ARPC5: variants seen among roughly 807,000 people sequenced by gnomAD.
ARPC5 encodes the protein actin related protein 2/3 complex subunit 5.
A neutral mutation model predicts 15.4 loss-of-function variants in ARPC5; 5 were observed. The ratio of observed to expected loss-of-function variants is 0.32; its 90% CI spans 0.17 to 0.68. The LOEUF (loss-of-function observed/expected upper bound fraction) is 0.68. ARPC5 is among the 30% of genes least tolerant of loss of function. ARPC5 has a pLI of 0.71. For missense variants in ARPC5, 138 were observed against 192.8 expected, an observed-to-expected ratio of 0.72 and a Z score of 1.68; for synonymous variants, 85 against 72.2, an observed-to-expected ratio of 1.18 and a Z score of -0.90.
intron 1 of ARPC5, among the ~76,000 whole-genome samples, chr1:183,635,228 G>GAGGC (rs1332913126): frequency 1.3e-5 from 2 of 152,352 alleles, no homozygotes; most frequent in East Asian, 1.9e-4. Context: ...ACCAGTTCCC[G>GAGGC]AGGCAGGCAG....
chr1:183,627,380 T>TA lies in ARPC5; in HGVS notation c.*151dup. The stretch of plus-strand genomic sequence containing the variant: ...CCAATTTTCATTAAAGGACAACTGA[T>TA]ATGTAATTTTTTTCTTTACAGATAT... On this transcript the variant is annotated 3_prime_UTR_variant, in exon 4 of 4. Coordinates refer to ENST00000359856, the MANE Select transcript of ARPC5 (RefSeq NM_005717.4). 1 of 693,770 alleles carries TA rather than the reference T, an allele frequency of 1.4e-6. No homozygotes were observed. The highest frequency in any genetic ancestry group is 2.6e-6 in the Non-Finnish European group (1 of 380,696). The allele number at this position is 693,770 out of a possible 1,614,324, so 43.0% of individuals were successfully genotyped here.
rs891501269 is a variant in ARPC5 at position 183,623,245 on chromosome 1, G to C, written c.*4287C>G. On this transcript the variant is annotated 3_prime_UTR_variant, in exon 4 of 4. Transcript: ENST00000359856. ...GTGGATTCTAGGGAACTGTTTCAGA[G>C]AGAAATAAGAGATGTAAACATAGAT... is the stretch of plus-strand genomic sequence containing the variant. 1 of 640,136 alleles carries C rather than the reference G, an allele frequency of 1.6e-6. No homozygotes were observed. Among genetic ancestry groups the C allele is most frequent in the Non-Finnish European group, 2.7e-6 (1 of 371,442 alleles). 39.7% of individuals were successfully genotyped at this position (640,136 alleles called of 1,614,324 possible).
intron 3 of ARPC5, 141 bp downstream of exon 3, chr1:183,630,320 T>A: frequency 1.6e-6 from 1 of 633,102 alleles, no homozygotes; most frequent in Non-Finnish European, 2.5e-6. Flanking sequence ...AACATAAATA[T>A]GAACTATCCT....
intron 2 of ARPC5, 40 bp downstream of exon 2, chr1:183,633,037 AATAAG>A: frequency 7.1e-7 from 1 of 1,407,288 alleles, no homozygotes; most frequent in Non-Finnish European, 9.8e-7. Context: ...TTTTACTAAG[AATAAG>A]ATATCAGCAG....
rs1648949765 is a variant in ARPC5, at chr1:183,621,894, C to G, written c.*5638G>C. On this transcript the variant is annotated 3_prime_UTR_variant, in exon 4 of 4. Transcript: ENST00000359856. ...ATGACCGGTATCTTGTGTTGACCTCCTATCTCATCCTGTGACTTAGAATGC... is the reference window on the plus strand; with the variant it reads ...ATGACCGGTATCTTGTGTTGACCTCGTATCTCATCCTGTGACTTAGAATGC... The G allele has an allele frequency of 6.6e-6, 1 of 152,196 alleles. No homozygotes were observed. Among genetic ancestry groups the G allele is most frequent in the South Asian group, 2.1e-4 (1 of 4,836 alleles). 9.4% of individuals were successfully genotyped at this position (152,196 alleles called of 1,614,324 possible). A position where few individuals can be genotyped will look rare whatever the true frequency, so the allele number is the denominator to read the frequency against.
At position 183,627,308 on chromosome 1, in the gene ARPC5, G is replaced by A; in HGVS notation, c.*224C>T. The A allele has an allele frequency of 1.8e-6, 1 of 568,522 alleles. No homozygotes were observed. The allele number at this position is 568,522 out of a possible 1,614,324, so 35.2% of individuals were successfully genotyped here. A position where few individuals can be genotyped will look rare whatever the true frequency, so the allele number is the denominator to read the frequency against. On this transcript the variant is annotated 3_prime_UTR_variant, in exon 4 of 4. Transcript: ENST00000359856. ...GTATAAACATCACTGAAATGGTTTT[G>A]AAAGGATGAAACACTTCTATTTTAA...
Position 183,623,341 on chromosome 1 carries a change from A to G in ARPC5, c.*4191T>C. 1 of 1,281,566 alleles carries G rather than the reference A, an allele frequency of 7.8e-7. No individual in the cohort carries two copies. The highest frequency in any genetic ancestry group is 1.1e-6 in the Non-Finnish European group (1 of 903,566). 79.4% of individuals were successfully genotyped at this position (1,281,566 alleles called of 1,614,324 possible). A position where few individuals can be genotyped will look rare whatever the true frequency, so the allele number is the denominator to read the frequency against. The stretch of plus-strand genomic sequence containing the variant: ...AAGGAAAATAGAAATGTTAAAGTGA[A>G]TGCTGTGTCCCATGTTGCTTGTGGT... On this transcript the variant is annotated 3_prime_UTR_variant, in exon 4 of 4. Coordinates refer to ENST00000359856, the MANE Select transcript of ARPC5 (RefSeq NM_005717.4).
chr1:183,630,377 A>G, intron 3 of ARPC5, 84 bp downstream of exon 3: 1 of 1,117,074 alleles, frequency 9.0e-7, no homozygotes, highest in Non-Finnish European at 1.2e-6. Flanking sequence ...ACAAATCAAA[A>G]TGGTTATTTA....
In ARPC5 at chr1:183,624,863, A is replaced by C. The variant is rs1649049302; in HGVS notation, c.*2669T>G. On this transcript the variant is annotated 3_prime_UTR_variant, in exon 4 of 4. Transcript: ENST00000359856. ...AACTGGTGAACAAGATTCAGACCTT[A>C]TTCTTCTGTTATGTCCTCATGATCC... The C allele has an allele frequency of 6.6e-6, 1 of 152,170 alleles. No homozygotes were observed. The highest frequency in any genetic ancestry group is 6.5e-5 in the Admixed American group (1 of 15,284). 9.4% of individuals were successfully genotyped at this position (152,170 alleles called of 1,614,324 possible). A position where few individuals can be genotyped will look rare whatever the true frequency, so the allele number is the denominator to read the frequency against.
chr1:183,631,372 G>C (rs1649258944), intron 2 of ARPC5: 1 of 151,912 alleles, frequency 6.6e-6, no homozygotes, highest in South Asian at 2.1e-4. Flanking sequence ...CTGAGGTCAG[G>C]AGTTCGAGAC....
chr1:183,630,551 A>G lies in ARPC5; in HGVS notation c.303T>C (p.Asn101=), dbSNP rs1312084950. ...TATACTTCATTAGGAGATCCACACC[A>G]TTCTTGTCCAGAGATTGAACTGCCT... is the stretch of plus-strand genomic sequence containing the variant. ...IEKAVQSLDK[N]GVDLLMKYIY... is the part of the protein sequence containing the mutation. The change falls in exon 3 of 4, where the codon AAT becomes AAC. Residue 101 remains asparagine, a synonymous_variant. Coordinates refer to ENST00000359856, the MANE Select transcript of ARPC5 (RefSeq NM_005717.4). 1 of 1,614,060 alleles carries G rather than the reference A, an allele frequency of 6.2e-7. No individual in the cohort carries two copies. Among genetic ancestry groups the G allele is most frequent in the Admixed American group, 1.7e-5 (1 of 60,028 alleles).
rs1031313879 is a variant in ARPC5, at chr1:183,621,407, T to C, written c.*6125A>G. ...ATCAATAGGGAAATGGTTAAGTAAA[T>C]TATGGTACATTTATTTATATAATAG... is the stretch of plus-strand genomic sequence containing the variant. On this transcript the variant is annotated 3_prime_UTR_variant, in exon 4 of 4. Transcript: ENST00000359856. 1 of 152,184 alleles carries C rather than the reference T, an allele frequency of 6.6e-6. No homozygotes were observed. 9.4% of individuals were successfully genotyped at this position (152,184 alleles called of 1,614,324 possible). A position where few individuals can be genotyped will look rare whatever the true frequency, so the allele number is the denominator to read the frequency against.
intron 1 of ARPC5, among the ~76,000 whole-genome samples, chr1:183,634,614 A>G (rs1440649363): frequency 6.6e-6 from 1 of 152,258 alleles, no homozygotes; most frequent in Non-Finnish European, 1.5e-5. Context: ...AAATATGCAA[A>G]AACAGAAACC....
In ARPC5 at chr1:183,631,663, A is replaced by T. The variant is rs975209474; in HGVS notation, c.217-1026T>A. 3.9e-5 allele frequency: 6 copies of T among 152,076 alleles called. 1 individual carries two copies. Among genetic ancestry groups the T allele is most frequent in the African/African-American group, 9.6e-5 (4 of 41,486 alleles). 9.4% of individuals were successfully genotyped at this position (152,076 alleles called of 1,614,324 possible). On this transcript the variant is annotated intron_variant, in intron 2 of 3. Transcript: ENST00000359856. ...CACCTTGAATTATCCTTCAGAAGTA[A>T]TTTTTTCTTAAAAACTTTTTTATTT...
chr1:183,627,226 CA>C lies in ARPC5; in HGVS notation c.*305del, dbSNP rs1649130299. ...CAAAACAGAACAAAAAACCAGCCAA[CA>C]GGGGTTAAAAGTTGCACAATTAAAC... On this transcript the variant is annotated 3_prime_UTR_variant, in exon 4 of 4. Transcript: ENST00000359856. The C allele has an allele frequency of 4.1e-6, 1 of 245,634 alleles. No individual in the cohort carries two copies. Among genetic ancestry groups the C allele is most frequent in the Non-Finnish European group, 7.9e-6 (1 of 126,546 alleles). The allele number at this position is 245,634 out of a possible 1,614,324, so 15.2% of individuals were successfully genotyped here.
rs1649002980 is a variant in ARPC5 at position 183,623,687 on chromosome 1, G to A, written c.*3845C>T. On this transcript the variant is annotated 3_prime_UTR_variant, in exon 4 of 4. Coordinates refer to ENST00000359856, the MANE Select transcript of ARPC5 (RefSeq NM_005717.4). ...CTTTTAACATATTTTGTCTGTAAGG[G>A]GATGTTAGTTGTAAATCTAAAGGAA... 3.3e-6 allele frequency: 2 copies of A among 607,684 alleles called. No individual in the cohort carries two copies. The highest frequency in any genetic ancestry group is 5.7e-6 in the Non-Finnish European group (2 of 352,544). The allele number at this position is 607,684 out of a possible 1,614,324, so 37.6% of individuals were successfully genotyped here. A position where few individuals can be genotyped will look rare whatever the true frequency, so the allele number is the denominator to read the frequency against.
rs151197240 is a variant in ARPC5, at chr1:183,624,514, AAAAAC to A, written c.*3013_*3017del. 0.5 allele frequency: 69,625 copies of A among 139,988 alleles called. 16,621 individuals carry two copies. Among genetic ancestry groups the A allele is most frequent in the African/African-American group, 0.62 (21,551 of 34,680 alleles). 8.7% of individuals were successfully genotyped at this position (139,988 alleles called of 1,614,324 possible). On this transcript the variant is annotated 3_prime_UTR_variant, in exon 4 of 4. Coordinates refer to ENST00000359856, the MANE Select transcript of ARPC5 (RefSeq NM_005717.4). Reference sequence around the variant, plus strand: ...CCACAGAGCGAGACTCTGTCTCAAAAAAAACAAAACAAAACAAAACAAAACAAAAC... The same window carrying A: ...CCACAGAGCGAGACTCTGTCTCAAAAAAAACAAAACAAAACAAAACAAAAC...
rs1250696762 is a variant in ARPC5, at chr1:183,633,115, G to A, written c.183C>T (p.Asn61=). 6.2e-7 allele frequency: 1 copy of A among 1,604,172 alleles called. No individual in the cohort carries two copies. The highest frequency in any genetic ancestry group is 2.3e-5 in the East Asian group (1 of 44,080). ...MTAALQAALK[N]PPINTKSQAV... is the part of the protein sequence containing the mutation. ...CCTGACTCTTGGTGTTGATAGGGGG[G>A]TTCTTCAGAGCTGCCTGTAGGGCAG... Residue 61 remains asparagine, a synonymous_variant, in exon 2 of 4, where the codon AAC becomes AAT. Coordinates refer to ENST00000359856, the MANE Select transcript of ARPC5 (RefSeq NM_005717.4).
In ARPC5 at chr1:183,623,749, C is replaced by G. The variant is rs977777319; in HGVS notation, c.*3783G>C. The G allele has an allele frequency of 1.0e-5, 5 of 488,362 alleles. No individual in the cohort carries two copies. Among genetic ancestry groups the G allele is most frequent in the Middle Eastern group, 1.2e-3 (2 of 1,724 alleles). The allele number at this position is 488,362 out of a possible 1,614,324, so 30.3% of individuals were successfully genotyped here. A position where few individuals can be genotyped will look rare whatever the true frequency, so the allele number is the denominator to read the frequency against. On this transcript the variant is annotated 3_prime_UTR_variant, in exon 4 of 4. Transcript: ENST00000359856. ...CTAAAAATTAATCAATCTGGCTGGG[C>G]GCGGTGGTCACGCCTGTAATCCCAG...
Sources: gnomAD v4.1 joint callset for allele counts (sites outside exome capture counted in the v4.1 genomes callset) on GRCh38, gnomAD v4.1.1 for gene constraint, MANE v1.5 for transcripts, NCBI Gene and HGNC (gene_info 2026-07-23, HGNC 2026-07-21) for gene names.